The following CELF2 variants were observed in gnomAD, a reference collection of about 807,000 sequenced individuals.
CELF2 encodes CUG triplet repeat RNA-binding protein 2.
CELF2 carries 8 observed loss-of-function variants against 62.6 expected under a neutral mutation model. The ratio of observed to expected loss-of-function variants is 0.13; its 90% CI spans 0.07 to 0.23. The LOEUF is 0.23. Among genes scored for constraint, CELF2 ranks in the 10% least tolerant of loss-of-function variants. CELF2 has a pLI of 1.00. For missense variants in CELF2, 333 were observed against 671.0 expected, an observed-to-expected ratio of 0.50 and a Z score of 5.56; for synonymous variants, 258 against 250.0, an observed-to-expected ratio of 1.03 and a Z score of -0.30.
Position 10,997,072 on chromosome 10 carries a change from C to T in CELF2, c.89+77073C>T, listed in dbSNP as rs2054031316. 6.6e-6 allele frequency among the ~76,000 whole-genome samples: 1 copy of T among 152,164 alleles called. No homozygotes were observed. The highest frequency in any genetic ancestry group is 6.5e-5 in the Admixed American group (1 of 15,276). ...TCTACTGCTAAAATCTGCTTTGGCC[C>T]TTCTCCTCTCTCTACAGCTGCTGCC... is the stretch of plus-strand genomic sequence containing the variant. On this transcript the variant is annotated intron_variant, in intron 2 of 13. Transcript: ENST00000636488. The surrounding 1 kb of genome is among the most constrained non-coding windows in gnomAD (Gnocchi z 5.3).
chr10:10,603,128 A>G, the CELF2 span, among the ~76,000 whole-genome samples: 11 of 151,662 alleles, frequency 7.3e-5, no homozygotes, highest in Non-Finnish European at 1.2e-4. Flanking sequence ...ATTTTCTATT[A>G]TTTCTAACGA....
chr10:10,787,889 T>C, the CELF2 span, among the ~76,000 whole-genome samples: 1 of 152,170 alleles, frequency 6.6e-6, no homozygotes, highest in Non-Finnish European at 1.5e-5. Context: ...AAAGCCTTCT[T>C]TTCTGCTTCC....
the CELF2 span, among the ~76,000 whole-genome samples, chr10:10,736,953 A>G: frequency 1.3e-5 from 2 of 152,158 alleles, no homozygotes; most frequent in African/African-American, 2.4e-5. Flanking sequence ...AAATTACTCA[A>G]GCAGGATGAG....
the CELF2 span, among the ~76,000 whole-genome samples, chr10:10,591,915 A>G: frequency 6.6e-6 from 1 of 152,036 alleles, no homozygotes; most frequent in South Asian, 2.1e-4. Context: ...TCACACACAC[A>G]CCCCCACATA....
chr10:11,033,791 A>G (rs1364386115), intron 1 of CELF2, among the ~76,000 whole-genome samples: 3 of 152,242 alleles, frequency 2.0e-5, no homozygotes, highest in Admixed American at 6.5e-5. Context: ...CAGAAAATAC[A>G]TTACAGTTGT....
the CELF2 span, among the ~76,000 whole-genome samples, chr10:10,682,531 C>T: frequency 6.6e-6 from 1 of 152,148 alleles, no homozygotes; most frequent in East Asian, 1.9e-4. Flanking sequence ...GAAGGTGTTC[C>T]GTTTGAAGAG....
chr10:10,601,054 A>G, the CELF2 span, among the ~76,000 whole-genome samples: 3 of 152,202 alleles, frequency 2.0e-5, no homozygotes, highest in Admixed American at 2.0e-4. Flanking sequence ...CGAGAGCAAC[A>G]GCCAGACCGG....
At chr10:10,914,904 G>A (rs2064177894) in intron 1 of CELF2, among the ~76,000 whole-genome samples, 1 of 152,066 alleles carries the variant, frequency 6.6e-6, no homozygotes, top group South Asian at 2.1e-4. Context: ...CGAGGCGGGT[G>A]GATCACCTCA....
At chr10:11,028,935 A>T in intron 1 of CELF2, among the ~76,000 whole-genome samples, 1 of 152,142 alleles carries the variant, frequency 6.6e-6, no homozygotes, top group African/African-American at 2.4e-5. Context: ...GCTAGTCTCG[A>T]ACTCCTGACC....
the CELF2 span, among the ~76,000 whole-genome samples, chr10:10,558,455 T>A: frequency 6.6e-6 from 1 of 152,172 alleles, no homozygotes; most frequent in Non-Finnish European, 1.5e-5. Context: ...TATTGAGGAC[T>A]TTTGCATCAA....
chr10:10,852,583 C>T (rs1257997749), intron 1 of CELF2, among the ~76,000 whole-genome samples: 1 of 152,132 alleles, frequency 6.6e-6, no homozygotes, highest in Non-Finnish European at 1.5e-5. Context: ...GAAGTAAACA[C>T]ACACAGACAC....
At chr10:10,886,264 A>G (rs1160129990) in intron 1 of CELF2, among the ~76,000 whole-genome samples, 1 of 152,140 alleles carries the variant, frequency 6.6e-6, no homozygotes, top group Non-Finnish European at 1.5e-5. Context: ...TCACTTGACC[A>G]TCTGTTACCC....
rs2046715617 is a variant in CELF2, at chr10:10,938,950, T to C, written c.89+18951T>C. ...TCTCCATGCCTAGGCCAAGCGCTCCTGCAGCAGCAAAATCCCTCTCTGAAA... is the reference window on the plus strand; with the variant it reads ...TCTCCATGCCTAGGCCAAGCGCTCCCGCAGCAGCAAAATCCCTCTCTGAAA... On this transcript the variant is annotated intron_variant, in intron 2 of 13. Coordinates refer to the CELF2 transcript ENST00000636488. The surrounding 1 kb of genome is among the most constrained non-coding windows in gnomAD (Gnocchi z 4.2). 6.6e-6 allele frequency among the ~76,000 whole-genome samples: 1 copy of C among 152,200 alleles called. No individual in the cohort carries two copies.
rs138821123 is a variant in CELF2, at chr10:11,260,026, C to T, written c.538+2154C>T. On this transcript the variant is annotated intron_variant, in intron 5 of 12. Transcript: ENST00000633077. The surrounding 1 kb of genome is among the most constrained non-coding windows in gnomAD (Gnocchi z 4.2). ...AGGAGAGCCCTTAAATTACTCATAGCGAAATCTATAATGGCTTAGGGGCCA... is the reference window on the plus strand; with the variant it reads ...AGGAGAGCCCTTAAATTACTCATAGTGAAATCTATAATGGCTTAGGGGCCA... Among the ~76,000 whole-genome samples, 445 of 152,266 alleles carry T rather than the reference C, an allele frequency of 2.9e-3. 4 individuals carry two copies. In the South Asian group the frequency reaches 0.038, roughly 13 times the overall value.
chr10:10,574,002 A>G, the CELF2 span, among the ~76,000 whole-genome samples: 2 of 152,320 alleles, frequency 1.3e-5, no homozygotes, highest in South Asian at 4.1e-4. Context: ...TTCATAGTCA[A>G]GAAGGATCAA....
intron 1 of CELF2, among the ~76,000 whole-genome samples, chr10:10,804,957 C>A (rs547354751): frequency 6.6e-6 from 1 of 152,142 alleles, no homozygotes; most frequent in Admixed American, 6.5e-5. Context: ...ATGTATAGAG[C>A]CAGAAAAGGT....
rs557840261 is a variant in CELF2, at chr10:11,217,120, A to G, written c.272-305A>G. On this transcript the variant is annotated intron_variant, in intron 2 of 12. Coordinates refer to ENST00000633077, the MANE Select transcript of CELF2 (RefSeq NM_001326342.2). The surrounding 1 kb of genome is among the most constrained non-coding windows in gnomAD (Gnocchi z 5.6). Reference sequence around the variant, plus strand: ...TCTCTTCACGTAGGTGCTATAACACAGGTCCCATTCACATCTCACCCATTC... The same window carrying G: ...TCTCTTCACGTAGGTGCTATAACACGGGTCCCATTCACATCTCACCCATTC... 3.0e-3 allele frequency among the ~76,000 whole-genome samples: 459 copies of G among 152,338 alleles called. 23 individuals are homozygous for G. The South Asian group carries it at 0.093, about 31-fold the overall frequency.
intron 3 of CELF2, among the ~76,000 whole-genome samples, chr10:11,225,974 G>A (rs1298971058): frequency 6.6e-6 from 1 of 152,228 alleles, no homozygotes; most frequent in African/African-American, 2.4e-5. Context: ...GCAAAGCAGT[G>A]ATGGAACTGG....
intron 5 of CELF2, among the ~76,000 whole-genome samples, chr10:11,259,624 G>A (rs1468161646): frequency 6.6e-6 from 1 of 152,146 alleles, no homozygotes; most frequent in East Asian, 1.9e-4. Context: ...GCCATCGTCA[G>A]GGGCAAGCAA....
Sources: gnomAD v4.1 joint callset for allele counts (sites outside exome capture counted in the v4.1 genomes callset) on GRCh38, gnomAD v4.1.1 for gene constraint, Gnocchi (gnomAD v3.1) non-coding constraint, MANE v1.5 for transcripts, NCBI Gene and HGNC (gene_info 2026-07-23, HGNC 2026-07-21) for gene names.